Variants in ZNF519 observed in about 807,000 individuals in gnomAD.
The protein encoded by ZNF519 is similar to Zinc finger protein 85 (Zinc finger protein HPF4) (HTF1).
In ZNF519, 7 loss-of-function variants were observed where a neutral mutation model predicts 7.4. The observed-to-expected ratio is 0.94, with a 90% CI of 0.54 to 1.77. ZNF519 has a LOEUF of 1.77. Among genes scored for constraint, ZNF519 ranks in the 40% most tolerant of loss-of-function variants. ZNF519 has a pLI of 0.00. For missense variants in ZNF519, 586 were observed against 623.1 expected, an observed-to-expected ratio of 0.94 and a Z score of 0.63; for synonymous variants, 179 against 203.3, an observed-to-expected ratio of 0.88 and a Z score of 1.02.
At chr18:14,111,206 A>T (rs114556950) in intron 2 of ZNF519, among the ~76,000 whole-genome samples, 1,912 of 149,768 alleles carry the variant, frequency 0.013, 40 homozygotes, top group African/African-American at 0.043. Flanking sequence ...CCAGACTAAG[A>T]AAAAAAAAGA....
chr18:14,080,051 T>C (rs12961005), intron 3 of ZNF519: 1 of 151,352 alleles, frequency 6.6e-6, no homozygotes, highest in East Asian at 1.9e-4. Context: ...CTAAAAAAAA[T>C]AATAAATGAG....
rs570787741 is a variant in ZNF519, at chr18:14,128,016, G to A, written c.4-3540C>T. Among the ~76,000 whole-genome samples, 14 of 152,058 alleles carry A rather than the reference G, an allele frequency of 9.2e-5. No homozygotes were observed. The South Asian group carries it at 1.2e-3, about 14-fold the overall frequency. ...CTAAAAAACTCTCCACCAGCCGGGC[G>A]CGGTGGCTTACGCCTGTAATCCCAG... On this transcript the variant is annotated intron_variant, in intron 1 of 2. Coordinates refer to ENST00000590202, the MANE Select transcript of ZNF519 (RefSeq NM_145287.4).
At chr18:14,080,901 A>G (rs1188171525) in intron 3 of ZNF519, among the ~76,000 whole-genome samples, 1 of 152,216 alleles carries the variant, frequency 6.6e-6, no homozygotes, top group Non-Finnish European at 1.5e-5. Context: ...AGTGTTTATT[A>G]CTAAGTGAAA....
At chr18:14,095,786 G>C (rs1264909406), downstream of ZNF519, among the ~76,000 whole-genome samples, 19 of 152,236 alleles carry the variant, frequency 1.2e-4, 1 homozygote, top group Non-Finnish European at 2.4e-4. Context: ...CCAGTGGATA[G>C]AGTCACTCTG....
At chr18:14,096,259 T>C (rs1017869537), downstream of ZNF519, among the ~76,000 whole-genome samples, 1 of 152,232 alleles carries the variant, frequency 6.6e-6, no homozygotes, top group Non-Finnish European at 1.5e-5. Flanking sequence ...ACACAGGCAA[T>C]GTGACTCTGC....
rs1268743517 is a variant in ZNF519 at position 14,105,222 on chromosome 18, C to T, written c.1318G>A (p.Ala440Thr). ...KHFKCKECGKAFNRGSHLTRH... is the reference protein window; with the variant it reads ...KHFKCKECGKTFNRGSHLTRH... ...GTAAGGTGTGAGCCCCTGTTAAAGG[C>T]TTTGCCACATTCTTTACATTTGAAG... is the stretch of plus-strand genomic sequence containing the variant. The change falls in exon 3 of 3, where the codon GCC becomes ACC. Residue 440 changes from alanine (A) to threonine (T), a missense_variant. Transcript: ENST00000590202. 5 of 1,571,504 alleles carry T rather than the reference C, an allele frequency of 3.2e-6. No individual in the cohort carries two copies. The South Asian group carries it at 4.4e-5, about 14-fold the overall frequency.
At chr18:14,125,023 T>G (rs952092204) in intron 1 of ZNF519, among the ~76,000 whole-genome samples, 3 of 152,166 alleles carry the variant, frequency 2.0e-5, no homozygotes, top group Non-Finnish European at 4.4e-5. Flanking sequence ...TTACAAAATT[T>G]TGCAGGTTTA....
intron 3 of ZNF519, among the ~76,000 whole-genome samples, chr18:14,081,094 T>C (rs2046069229): frequency 6.6e-6 from 1 of 152,206 alleles, no homozygotes. Context: ...ATACATGTCA[T>C]TATATATTTG....
At chr18:14,087,138 C>T (rs1370014561) in intron 2 of ZNF519, among the ~76,000 whole-genome samples, 1 of 152,018 alleles carries the variant, frequency 6.6e-6, no homozygotes. Context: ...GGACAAAAAC[C>T]ATACGCTCAT....
intron 2 of ZNF519, among the ~76,000 whole-genome samples, chr18:14,113,724 T>A (rs2046233154): frequency 6.6e-6 from 1 of 151,640 alleles, no homozygotes; most frequent in African/African-American, 2.4e-5. Flanking sequence ...TCTAAACTGT[T>A]CTCCATAGTA....
At position 14,124,279 on chromosome 18, in the gene ZNF519, A is replaced by G. The variant is rs1480567390; in HGVS notation, c.130+71T>C. On this transcript the variant is annotated intron_variant, in intron 2 of 2. Coordinates refer to ENST00000590202, the MANE Select transcript of ZNF519 (RefSeq NM_145287.4). The stretch of plus-strand genomic sequence containing the variant: ...TTCATGCAAAGCAGAAGCTCTCAAG[A>G]GACAGTCTACAAAGAAAGAAAATAA... 11 of 1,426,642 alleles carry G rather than the reference A, an allele frequency of 7.7e-6. No homozygotes were observed. In the Admixed American group the frequency reaches 2.6e-4, roughly 33 times the overall value. The allele number at this position is 1,426,642 out of a possible 1,614,324, so 88.4% of individuals were successfully genotyped here. A position where few individuals can be genotyped will look rare whatever the true frequency, so the allele number is the denominator to read the frequency against.
At chr18:14,080,951 T>C (rs2046068728) in intron 3 of ZNF519, among the ~76,000 whole-genome samples, 1 of 152,188 alleles carries the variant, frequency 6.6e-6, no homozygotes, top group South Asian at 2.1e-4. Flanking sequence ...TGACCAACAA[T>C]TTGATATTCT....
At chr18:14,096,497 A>G (rs567560678), downstream of ZNF519, among the ~76,000 whole-genome samples, 10 of 152,190 alleles carry the variant, frequency 6.6e-5, no homozygotes, top group Admixed American at 2.0e-4. Flanking sequence ...ACTGATTCTC[A>G]TATGTCCCAC....
chr18:14,108,900 G>C (rs573510241), intron 2 of ZNF519, among the ~76,000 whole-genome samples: 1 of 152,138 alleles, frequency 6.6e-6, no homozygotes, highest in Non-Finnish European at 1.5e-5. Context: ...AGACCAGCCT[G>C]ATTAACATGG....
At chr18:14,114,974 T>C (rs1163922780) in intron 2 of ZNF519, among the ~76,000 whole-genome samples, 1 of 152,052 alleles carries the variant, frequency 6.6e-6, no homozygotes, top group Non-Finnish European at 1.5e-5. Context: ...GTAAAAAATA[T>C]ATATAAATTT....
intron 2 of ZNF519, among the ~76,000 whole-genome samples, chr18:14,113,442 T>C (rs1026777869): frequency 2.6e-5 from 4 of 152,204 alleles, no homozygotes; most frequent in Non-Finnish European, 5.9e-5. Context: ...ACGTACAACT[T>C]ACACATACTG....
chr18:14,094,087 A>G (rs561950276), intron 2 of ZNF519, among the ~76,000 whole-genome samples: 1 of 152,098 alleles, frequency 6.6e-6, no homozygotes, highest in African/African-American at 2.4e-5. Context: ...TCCATCTTTC[A>G]TGCTACAGGA....
chr18:14,101,347 T>G lies in ZNF519; in HGVS notation c.*3570A>C. 6 of 196,042 alleles carry G rather than the reference T, an allele frequency of 3.1e-5. No homozygotes were observed. The highest frequency in any genetic ancestry group is 1.1e-4 in the East Asian group (1 of 8,914). 12.1% of individuals were successfully genotyped at this position (196,042 alleles called of 1,614,324 possible). A position where few individuals can be genotyped will look rare whatever the true frequency, so the allele number is the denominator to read the frequency against. On this transcript the variant is annotated 3_prime_UTR_variant, in exon 3 of 3. Coordinates refer to ENST00000590202, the MANE Select transcript of ZNF519 (RefSeq NM_145287.4). ...TGATTTATTTCCGCACTCAGAGGGA[T>G]AAAGGGGGGCCAATTAAAACAATGA...
downstream of ZNF519, among the ~76,000 whole-genome samples, chr18:14,096,717 A>C (rs1249924435): frequency 6.6e-6 from 1 of 152,056 alleles, no homozygotes; most frequent in Non-Finnish European, 1.5e-5. Flanking sequence ...TTCAATATTA[A>C]ATATTTGGGC....
Sources: allele counts gnomAD v4.1 joint callset (sites outside exome capture counted in the v4.1 genomes callset), GRCh38; gene constraint gnomAD v4.1.1; transcripts MANE v1.5; gene names NCBI Gene and HGNC (gene_info 2026-07-23, HGNC 2026-07-21).